Variants in PTPRS observed in about 807,000 individuals in gnomAD.
PTPRS encodes receptor-type tyrosine-protein phosphatase S.
A neutral mutation model predicts 215.3 loss-of-function variants in PTPRS; 63 were observed. The ratio of observed to expected loss-of-function variants is 0.29; its 90% CI spans 0.24 to 0.36. The LOEUF is 0.36. Among genes scored for constraint, PTPRS ranks in the 10% least tolerant of loss-of-function variants. The pLI, the probability that PTPRS is intolerant of heterozygous loss-of-function variation, is 1.00. For missense variants in PTPRS, 2,258 were observed against 2,825.8 expected, an observed-to-expected ratio of 0.80 and a Z score of 4.56; for synonymous variants, 1,404 against 1,191.4, an observed-to-expected ratio of 1.18 and a Z score of -3.68.
At chr19:5,289,317 T>G (rs1447447205) in intron 1 of PTPRS, among the ~76,000 whole-genome samples, 1 of 152,200 alleles carries the variant, frequency 6.6e-6, no homozygotes, top group Admixed American at 6.5e-5. Flanking sequence ...CTCATTCTTC[T>G]GCCTCCACTT....
Position 5,244,627 on chromosome 19 carries a change from CT to C in PTPRS, c.989-146del. On this transcript the variant is annotated intron_variant, in intron 10 of 37. Coordinates refer to ENST00000262963, the MANE Select transcript of PTPRS (RefSeq NM_002850.4). The surrounding 1 kb of genome is among the most constrained non-coding windows in gnomAD (Gnocchi z 7.2). ...TGGGCCTCATGACTCCTGTCATCGT[CT>C]ACAGCAAGGGGTAACAAACTATGGC... 1 of 665,660 alleles carries C rather than the reference CT, an allele frequency of 1.5e-6. No homozygotes were observed. The highest frequency in any genetic ancestry group is 2.5e-6 in the Non-Finnish European group (1 of 393,632). 41.2% of individuals were successfully genotyped at this position (665,660 alleles called of 1,614,324 possible).
intron 4 of PTPRS, among the ~76,000 whole-genome samples, chr19:5,265,482 C>T (rs377333367): frequency 2.0e-5 from 3 of 152,194 alleles, no homozygotes; most frequent in Non-Finnish European, 1.5e-5. Context: ...GCCGGGACTA[C>T]AAGCATGCGC....
intron 9 of PTPRS, among the ~76,000 whole-genome samples, chr19:5,248,020 C>A (rs961449328): frequency 1.1e-5 from 1 of 90,412 alleles, no homozygotes; most frequent in African/African-American, 4.3e-5. Flanking sequence ...AGGTGAGGGG[C>A]GAGGTGCCGT....
In PTPRS at chr19:5,294,094, C is replaced by T. The variant is rs2049048042; in HGVS notation, c.-94-7860G>A. ...CAGGGGCAGAGGCCGGGATGGAGACCCAAGGGCTCCCGCGTCTGCTCCCAT... is the reference window on the plus strand; with the variant it reads ...CAGGGGCAGAGGCCGGGATGGAGACTCAAGGGCTCCCGCGTCTGCTCCCAT... On this transcript the variant is annotated intron_variant, in intron 1 of 37. Transcript: ENST00000262963. This position sits in a 1 kb window ranked among gnomAD's most constrained non-coding sequence, Gnocchi z 5.1. Among the ~76,000 whole-genome samples, 1 of 152,188 alleles carries T rather than the reference C, an allele frequency of 6.6e-6. No homozygotes were observed. The highest frequency in any genetic ancestry group is 1.5e-5 in the Non-Finnish European group (1 of 68,012).
In PTPRS at chr19:5,244,190, G is replaced by A. The variant is rs765460386; in HGVS notation, c.1281C>T (p.Ala427=). ...VVTRTGEQAP[A]SAPRNVQARM... ...GGGCTTGCACGTTCCGCGGCGCGCT[G>A]GCCGGGGCCTGCTCGCCTGTGCGGG... The change falls in exon 11 of 38, where the codon GCC becomes GCT. Residue 427 remains alanine, a synonymous_variant. Coordinates refer to ENST00000262963, the MANE Select transcript of PTPRS (RefSeq NM_002850.4). The surrounding 1 kb of genome is among the most constrained non-coding windows in gnomAD (Gnocchi z 7.2). The A allele has an allele frequency of 6.2e-7, 1 of 1,602,270 alleles. No homozygotes were observed. The highest frequency in any genetic ancestry group is 1.1e-5 in the South Asian group (1 of 89,436).
Position 5,258,003 on chromosome 19 carries a change from G to GCGGCGTTCCCTACCTCGCGTT in PTPRS, c.706+13_706+14insAACGCGAGGTAGGGAACGCCG. 1 of 1,607,986 alleles carries GCGGCGTTCCCTACCTCGCGTT rather than the reference G, an allele frequency of 6.2e-7. No homozygotes were observed. The highest frequency in any genetic ancestry group is 1.1e-5 in the South Asian group (1 of 90,848). On this transcript the variant is annotated intron_variant, in intron 8 of 37. Coordinates refer to ENST00000262963, the MANE Select transcript of PTPRS (RefSeq NM_002850.4). ...GCGGGTCCCTGCCTTTGACCTGGAC[G>GCGGCGTTCCCTACCTCGCGTT]CGGCGTTCCCTACCTCGCACGTAGA...
intron 9 of PTPRS, among the ~76,000 whole-genome samples, chr19:5,251,766 G>A (rs916120804): frequency 5.3e-5 from 8 of 152,106 alleles, no homozygotes; most frequent in East Asian, 1.9e-4. Context: ...CCCTCTCCCC[G>A]ATGTGATGAG....
At chr19:5,260,747 G>A (rs2045924427) in intron 7 of PTPRS, 58 bp downstream of exon 7, 1 of 1,603,962 alleles carries the variant, frequency 6.2e-7, no homozygotes, top group Non-Finnish European at 8.5e-7. Context: ...GGAGCCTGAG[G>A]GGCTGAGTGG....
At chr19:5,259,493 G>A (rs1243729883) in intron 7 of PTPRS, among the ~76,000 whole-genome samples, 1 of 152,054 alleles carries the variant, frequency 6.6e-6, no homozygotes, top group Non-Finnish European at 1.5e-5. Context: ...GAAATTATAG[G>A]CCTTGATAAA....
intron 11 of PTPRS, among the ~76,000 whole-genome samples, chr19:5,242,288 T>A (rs1418961254): frequency 6.6e-6 from 1 of 152,192 alleles, no homozygotes; most frequent in Non-Finnish European, 1.5e-5. Flanking sequence ...ACACAGCCAC[T>A]GGGATCTACC....
chr19:5,210,757 C>G lies in PTPRS; in HGVS notation c.5283G>C (p.Thr1761=). 6.2e-7 allele frequency: 1 copy of G among 1,614,170 alleles called. No homozygotes were observed. Among genetic ancestry groups the G allele is most frequent in the Non-Finnish European group, 8.5e-7 (1 of 1,180,048 alleles). The change falls in exon 34 of 38, where the codon ACG becomes ACC. Residue 1761 remains threonine (T), a synonymous_variant. Coordinates refer to ENST00000262963, the MANE Select transcript of PTPRS (RefSeq NM_002850.4). The surrounding 1 kb of genome is among the most constrained non-coding windows in gnomAD (Gnocchi z 4.5). Reference sequence around the variant, plus strand: ...CCCACAGCATGCGCCAGAAGTCTTCCGTGGTCTCCGCCAGCGGCCCCTGTG... The same window carrying G: ...CCCACAGCATGCGCCAGAAGTCTTCGGTGGTCTCCGCCAGCGGCCCCTGTG... ...IATQGPLAET[T]EDFWRMLWEN...
At chr19:5,268,913 G>A (rs776465957) in intron 4 of PTPRS, among the ~76,000 whole-genome samples, 2 of 152,228 alleles carry the variant, frequency 1.3e-5, no homozygotes, top group Non-Finnish European at 2.9e-5. Flanking sequence ...AGGGGGCATG[G>A]CTGGATGCCG....
chr19:5,220,323 G>T lies in PTPRS; in HGVS notation c.3486C>A (p.Arg1162=). The T allele has an allele frequency of 1.2e-6, 2 of 1,613,996 alleles. No individual in the cohort carries two copies. Among genetic ancestry groups the T allele is most frequent in the South Asian group, 1.1e-5 (1 of 91,044 alleles). Residue 1162 remains arginine (R), a synonymous_variant, in exon 21 of 38, where the codon CGC becomes CGA. Transcript: ENST00000262963. ...QSYFIVMVPL[R]KSRGGQFLTP... ...TCAGGAATTGGCCTCCACGAGACTT[G>T]CGCAGTGGCACCATCACAATGAAAT...
At chr19:5,259,327 A>G (rs1245346813) in intron 7 of PTPRS, among the ~76,000 whole-genome samples, 1 of 152,212 alleles carries the variant, frequency 6.6e-6, no homozygotes, top group Non-Finnish European at 1.5e-5. Context: ...AAATGAATGA[A>G]CCTTCTCAAG....
chr19:5,285,764 CT>C (rs1348013683), intron 2 of PTPRS, among the ~76,000 whole-genome samples: 1 of 152,190 alleles, frequency 6.6e-6, no homozygotes, highest in Admixed American at 6.5e-5. Context: ...AAAATTAGTG[CT>C]TAGCATGGAG....
intron 17 of PTPRS, 115 bp from the exon 18 acceptor site, chr19:5,223,412 G>GC (rs200128302): frequency 1.1e-5 from 14 of 1,265,016 alleles, no homozygotes; most frequent in Admixed American, 3.6e-5. Context: ...TTTGAGTTGG[G>GC]GGGGGTCTTA....
At chr19:5,222,276 T>C in intron 18 of PTPRS, 56 bp from the exon 19 acceptor site, 1 of 1,421,456 alleles carries the variant, frequency 7.0e-7, no homozygotes, top group Non-Finnish European at 9.9e-7. Flanking sequence ...CATGAGTGCC[T>C]GGCACTGGGT....
At chr19:5,239,162 GGGGAGAGAGAGA>G (rs1457477663) in intron 12 of PTPRS, 99 bp from the exon 13 acceptor site, 7 of 513,180 alleles carry the variant, frequency 1.4e-5, no homozygotes, top group South Asian at 2.1e-5. Flanking sequence ...GAGGGGGGAG[GGGGAGAGAGAGA>G]GAGAGAGAGA....
chr19:5,239,509 G>A (rs1446328791), intron 12 of PTPRS, among the ~76,000 whole-genome samples: 1 of 151,460 alleles, frequency 6.6e-6, no homozygotes, highest in Admixed American at 6.6e-5. Context: ...ACAGGAGAGA[G>A]ATACAGAGAC....
Sources: gnomAD v4.1 joint callset for allele counts (sites outside exome capture counted in the v4.1 genomes callset) on GRCh38, gnomAD v4.1.1 for gene constraint, Gnocchi (gnomAD v3.1) non-coding constraint, MANE v1.5 for transcripts, NCBI Gene and HGNC (gene_info 2026-07-23, HGNC 2026-07-21) for gene names.